Variants in VPS13B observed in about 807,000 individuals in gnomAD.
The protein encoded by VPS13B is intermembrane lipid transfer protein VPS13B.
VPS13B carries 285 observed loss-of-function variants against 426.4 expected under a neutral mutation model. That is an observed-to-expected ratio of 0.67 (90% CI 0.61 to 0.74). VPS13B has a LOEUF of 0.74. VPS13B is among the 30% of genes least tolerant of loss of function. The pLI is 0.00. For missense variants in VPS13B, 4,537 were observed against 4,782.6 expected, an observed-to-expected ratio of 0.95 and a Z score of 1.51; for synonymous variants, 1,676 against 1,676.4, an observed-to-expected ratio of 1.00 and a Z score of 0.01.
intron 16 of VPS13B, among the ~76,000 whole-genome samples, chr8:99,170,400 A>C (rs1285403081): frequency 6.6e-6 from 1 of 151,936 alleles, no homozygotes; most frequent in Non-Finnish European, 1.5e-5. Flanking sequence ...CTGTTAATTC[A>C]TGTTGGATGT....
At chr8:99,392,184 A>C (rs1422619717) in intron 21 of VPS13B, among the ~76,000 whole-genome samples, 1 of 152,218 alleles carries the variant, frequency 6.6e-6, no homozygotes, top group African/African-American at 2.4e-5. Context: ...TTCCTTCTTT[A>C]AGTGAATTCT....
chr8:99,375,931 A>G (rs1035134243), intron 19 of VPS13B, among the ~76,000 whole-genome samples: 2 of 152,220 alleles, frequency 1.3e-5, no homozygotes, highest in African/African-American at 4.8e-5. Flanking sequence ...GGACAGTCTC[A>G]TTGGCTGGCA....
chr8:99,070,982 C>T (rs192239308), intron 3 of VPS13B, among the ~76,000 whole-genome samples: 1 of 152,204 alleles, frequency 6.6e-6, no homozygotes, highest in African/African-American at 2.4e-5. Flanking sequence ...TGATAGGATT[C>T]TGACTTCCTT....
chr8:99,526,394 C>T (rs1170310794), intron 30 of VPS13B, among the ~76,000 whole-genome samples: 1 of 152,052 alleles, frequency 6.6e-6, no homozygotes, highest in Non-Finnish European at 1.5e-5. Context: ...AAGCAGATTA[C>T]TCAGGCAAGG....
intron 33 of VPS13B, among the ~76,000 whole-genome samples, chr8:99,619,981 T>A (rs574503358): frequency 1.9e-4 from 29 of 150,810 alleles, no homozygotes; most frequent in Admixed American, 2.0e-4. Flanking sequence ...TTATTAATGG[T>A]TTTTTTTTAC....
intron 19 of VPS13B, among the ~76,000 whole-genome samples, chr8:99,276,360 G>A (rs988688919): frequency 3.3e-5 from 5 of 152,076 alleles, no homozygotes; most frequent in Admixed American, 3.3e-4. Context: ...GTAAGAATGG[G>A]TACAGAACCA....
intron 24 of VPS13B, among the ~76,000 whole-genome samples, chr8:99,480,418 T>C (rs547790413): frequency 3.3e-5 from 5 of 152,190 alleles, no homozygotes; most frequent in Admixed American, 1.3e-4. Flanking sequence ...GAACCTGTTT[T>C]GGCTTTTTGT....
chr8:99,371,361 G>A (rs1297909405), intron 19 of VPS13B, among the ~76,000 whole-genome samples: 31 of 152,186 alleles, frequency 2.0e-4, no homozygotes, highest in Admixed American at 2.0e-3. Context: ...CCCGTTGCTT[G>A]TTTTTGTTGG....
chr8:99,808,073 A>G (rs144186361), intron 43 of VPS13B, among the ~76,000 whole-genome samples: 5 of 151,966 alleles, frequency 3.3e-5, no homozygotes, highest in Admixed American at 2.6e-4. Flanking sequence ...GCCTTTTATG[A>G]TAGTCTTACA....
Position 99,699,814 on chromosome 8 carries a change from A to T in VPS13B, c.6336A>T (p.Gln2112His), listed in dbSNP as rs780082543. ...AVSCFQKISVQTTQIVISMET... is the reference protein window; with the variant it reads ...AVSCFQKISVHTTQIVISMET... ...CCTGCTTTCAAAAAATTTCTGTTCA[A>T]ACTACTCAGATTGTGATCTCCATGG... The change falls in exon 36 of 62, where the codon CAA becomes CAT. Residue 2112 changes from glutamine to histidine, a missense_variant. By Grantham distance (24) the Gln-to-His change is conservative. This residue lies in a region of VPS13B where 4,311 missense variants were observed against 4,474.3 expected (regional missense o/e 0.96). Transcript: ENST00000357162. The T allele has an allele frequency of 6.2e-7, 1 of 1,613,854 alleles. No homozygotes were observed.
chr8:99,014,260 G>A (rs1841488427), intron 2 of VPS13B, among the ~76,000 whole-genome samples: 1 of 151,366 alleles, frequency 6.6e-6, no homozygotes, highest in African/African-American at 2.4e-5. Flanking sequence ...TGGGATTACA[G>A]GCGCGCACCA....
chr8:99,077,523 G>GT (rs771794028), intron 3 of VPS13B, among the ~76,000 whole-genome samples: 1 of 151,924 alleles, frequency 6.6e-6, no homozygotes. Flanking sequence ...TTGGTGGGCA[G>GT]TTTTTTTCTT....
intron 39 of VPS13B, among the ~76,000 whole-genome samples, chr8:99,733,410 A>G (rs1451265049): frequency 6.6e-6 from 1 of 152,212 alleles, no homozygotes; most frequent in African/African-American, 2.4e-5. Context: ...CAGCTTTCAC[A>G]TCTGCAAATT....
At chr8:99,062,923 CAAAAT>C (rs1844270040) in intron 3 of VPS13B, among the ~76,000 whole-genome samples, 1 of 152,136 alleles carries the variant, frequency 6.6e-6, no homozygotes, top group Non-Finnish European at 1.5e-5. Flanking sequence ...ATTGCAACTA[CAAAAT>C]AAAGTATTTC....
rs981338625 is a variant in VPS13B, at chr8:99,818,362, A to G, written c.8362-89A>G. 2.3e-6 allele frequency: 3 copies of G among 1,314,336 alleles called. No individual in the cohort carries two copies. The African/African-American group carries it at 4.4e-5, about 19-fold the overall frequency. The allele number at this position is 1,314,336 out of a possible 1,614,324, so 81.4% of individuals were successfully genotyped here. On this transcript the variant is annotated intron_variant, in intron 45 of 61. Coordinates refer to ENST00000357162, the MANE Select transcript of VPS13B (RefSeq NM_152564.5). ...TTCCCTAAACTTTAAACTCTTTTTA[A>G]TCTTCCAAACTGATGTATCTGTGCC...
intron 19 of VPS13B, among the ~76,000 whole-genome samples, chr8:99,337,214 G>A (rs1810948676): frequency 6.6e-6 from 1 of 152,024 alleles, no homozygotes; most frequent in Admixed American, 6.6e-5. Flanking sequence ...TCCTTTGTAG[G>A]GACATGGATG....
chr8:99,866,454 G>A (rs1025701932), intron 58 of VPS13B, among the ~76,000 whole-genome samples: 7 of 152,232 alleles, frequency 4.6e-5, no homozygotes, highest in Non-Finnish European at 1.0e-4. Context: ...TGAGCCCAGG[G>A]CAGGTGGTTC....
intron 19 of VPS13B, among the ~76,000 whole-genome samples, chr8:99,355,350 T>C (rs1812119868): frequency 6.6e-6 from 1 of 152,148 alleles, no homozygotes; most frequent in South Asian, 2.1e-4. Context: ...CCCAGCACTT[T>C]GGGAGGCCGA....
At chr8:99,038,667 T>C (rs1842844670) in intron 3 of VPS13B, 101 bp downstream of exon 3, 1 of 879,144 alleles carries the variant, frequency 1.1e-6, no homozygotes, top group African/African-American at 1.7e-5. Flanking sequence ...TAAACATATC[T>C]TAGCTTATAT....
Sources: gnomAD v4.1 joint callset for allele counts (sites outside exome capture counted in the v4.1 genomes callset) on GRCh38, gnomAD v4.1.1 for gene constraint, gnomAD v4.1.1 regional missense constraint, MANE v1.5 for transcripts, NCBI Gene and HGNC (gene_info 2026-07-23, HGNC 2026-07-21) for gene names.